The following ABCC1 variants were observed in gnomAD, a reference collection of about 807,000 sequenced individuals.
The protein encoded by ABCC1 is ATP binding cassette subfamily C member 1 (ABCC1 blood group).
In ABCC1, 83 loss-of-function variants were observed where a neutral mutation model predicts 172.9. The observed-to-expected ratio is 0.48, with a 90% CI of 0.40 to 0.58. The LOEUF (loss-of-function observed/expected upper bound fraction) is 0.58, where lower values mean the gene tolerates loss of function less well. Ranked by LOEUF, ABCC1 falls within the 20% of genes least tolerant of loss-of-function variation. The pLI is 0.00. For synonymous variants in ABCC1, 937 were observed against 825.2 expected, an observed-to-expected ratio of 1.14 and a Z score of -2.32; for missense variants, 1,817 against 2,002.7, an observed-to-expected ratio of 0.91 and a Z score of 1.77.
At chr16:16,092,106 C>T (rs1357099294) in intron 19 of ABCC1, among the ~76,000 whole-genome samples, 3 of 152,114 alleles carry the variant, frequency 2.0e-5, no homozygotes, top group Non-Finnish European at 2.9e-5. Flanking sequence ...GGCGTGGTGG[C>T]GCACGCCTAT....
intron 1 of ABCC1, among the ~76,000 whole-genome samples, chr16:16,004,647 G>C (rs1006665155): frequency 2.8e-5 from 4 of 142,874 alleles, no homozygotes; most frequent in Non-Finnish European, 6.0e-5. Flanking sequence ...TGTTGGCCTT[G>C]TAAGGTTTAC....
intron 1 of ABCC1, among the ~76,000 whole-genome samples, chr16:15,991,496 G>A (rs1021842857): frequency 1.3e-5 from 2 of 152,076 alleles, no homozygotes; most frequent in African/African-American, 2.4e-5. Context: ...GGCACCTCTC[G>A]GCTCTTCTGG....
intron 20 of ABCC1, 105 bp downstream of exon 20, chr16:16,102,822 C>T: frequency 9.0e-7 from 1 of 1,107,508 alleles, no homozygotes; most frequent in South Asian, 1.5e-5. Flanking sequence ...CCTGGAAGGC[C>T]TGGGCTTTTA....
intron 7 of ABCC1, among the ~76,000 whole-genome samples, chr16:16,039,043 A>G (rs918852911): frequency 6.6e-6 from 1 of 152,154 alleles, no homozygotes; most frequent in Non-Finnish European, 1.5e-5. Flanking sequence ...CTGAGGGTTC[A>G]GAGAGTGGAA....
chr16:15,980,055 A>G (rs1180004468), intron 1 of ABCC1, among the ~76,000 whole-genome samples: 1 of 152,138 alleles, frequency 6.6e-6, no homozygotes, highest in Non-Finnish European at 1.5e-5. Context: ...AAAAAATAAC[A>G]TATAAAATAA....
chr16:16,004,014 G>A (rs2047425104), intron 1 of ABCC1, among the ~76,000 whole-genome samples: 1 of 91,726 alleles, frequency 1.1e-5, no homozygotes. Flanking sequence ...GTGGGTGGAT[G>A]GATGAATTGG....
rs1479230593 is a variant in ABCC1 at position 16,033,280 on chromosome 16, C to T, written c.677+110C>T. The T allele has an allele frequency of 7.3e-6, 8 of 1,102,274 alleles. No homozygotes were observed. The African/African-American group carries it at 1.2e-4, about 17-fold the overall frequency. 68.3% of individuals were successfully genotyped at this position (1,102,274 alleles called of 1,614,324 possible). ...CTCCCCAACTTCTCCCTCCTTTGCT[C>T]TTCTGCAGAGTTGTCTTGAATCTGC... On this transcript the variant is annotated intron_variant, in intron 6 of 30. Coordinates refer to ENST00000399410, the MANE Select transcript of ABCC1 (RefSeq NM_004996.4).
At chr16:16,136,741 A>G in intron 29 of ABCC1, 97 bp downstream of exon 29, 1 of 1,379,612 alleles carries the variant, frequency 7.2e-7, no homozygotes, top group Non-Finnish European at 9.7e-7. Flanking sequence ...TGTCACCTGG[A>G]TTTGAGTCCC....
intron 20 of ABCC1, among the ~76,000 whole-genome samples, chr16:16,104,458 C>G (rs1241137873): frequency 6.6e-6 from 1 of 152,200 alleles, no homozygotes. Context: ...GGTGCATTCA[C>G]AAACCCTGAG....
rs941823812 is a variant in ABCC1, at chr16:16,055,252, G to GAC, written c.1474-838_1474-837dup. Reference sequence around the variant, plus strand: ...TTCCAAAAAAAAAGAAAACTGGGCTGACAAGAAATAAGAAAACAGGCTGGG... The same window carrying GAC: ...TTCCAAAAAAAAAGAAAACTGGGCTGACACAAGAAATAAGAAAACAGGCTGGG... On this transcript the variant is annotated intron_variant, in intron 11 of 30. Transcript: ENST00000399410. 5.9e-5 allele frequency among the ~76,000 whole-genome samples: 9 copies of GAC among 151,708 alleles called. No individual in the cohort carries two copies. The East Asian group carries it at 7.8e-4, about 13-fold the overall frequency.
chr16:16,011,323 G>A (rs2047777810), intron 3 of ABCC1, among the ~76,000 whole-genome samples: 1 of 152,132 alleles, frequency 6.6e-6, no homozygotes, highest in Admixed American at 6.5e-5. Context: ...GGGGTGGAAG[G>A]TTAAGGGGAG....
intron 24 of ABCC1, among the ~76,000 whole-genome samples, chr16:16,122,474 G>A (rs775866866): frequency 3.9e-5 from 6 of 152,160 alleles, no homozygotes; most frequent in Admixed American, 3.3e-4. Flanking sequence ...GCCAGCGACC[G>A]ACTCTGCTAT....
Position 16,125,791 on chromosome 16 carries a change from G to C in ABCC1, c.3718-19G>C, listed in dbSNP as rs372960743. The C allele has an allele frequency of 1.9e-6, 3 of 1,583,858 alleles. No individual in the cohort carries two copies. The highest frequency in any genetic ancestry group is 2.6e-6 in the Non-Finnish European group (3 of 1,157,300). On this transcript the variant is annotated intron_variant, in intron 25 of 30. Coordinates refer to ENST00000399410, the MANE Select transcript of ABCC1 (RefSeq NM_004996.4). Reference sequence around the variant, plus strand: ...CGCCCGCTTACTCTAGAAATGCCACGTGACTCTTCCACTCACAGGTCACCA... The same window carrying C: ...CGCCCGCTTACTCTAGAAATGCCACCTGACTCTTCCACTCACAGGTCACCA...
chr16:16,048,092 G>A lies in ABCC1; in HGVS notation c.1219-50G>A, dbSNP rs8187854. The A allele has an allele frequency of 2.3e-4, 373 of 1,601,432 alleles. No homozygotes were observed. The African/African-American group carries it at 4.4e-3, about 19-fold the overall frequency. ...TCCGTGGGTCTGGAGGGAGAGTCAG[G>A]CCTCTTCAGCTGCCACACTCACCCA... is the stretch of plus-strand genomic sequence containing the variant. On this transcript the variant is annotated intron_variant, in intron 9 of 30. Transcript: ENST00000399410.
Position 16,122,358 on chromosome 16 carries a change from T to C in ABCC1, c.3590+184T>C, listed in dbSNP as rs45448692. Among the ~76,000 whole-genome samples, 328 of 152,254 alleles carry C rather than the reference T, an allele frequency of 2.2e-3. 1 individual carries two copies. Among genetic ancestry groups the C allele is most frequent in the African/African-American group, 7.7e-3 (322 of 41,550 alleles). On this transcript the variant is annotated intron_variant, in intron 24 of 30. Coordinates refer to ENST00000399410, the MANE Select transcript of ABCC1 (RefSeq NM_004996.4). The stretch of plus-strand genomic sequence containing the variant: ...TCATTAAGAGCAGACAGCGGCACTG[T>C]AGACATGCAGTGCCCGCGGCATTTA...
chr16:16,086,243 T>G (rs1358489010), intron 17 of ABCC1, among the ~76,000 whole-genome samples: 2 of 152,324 alleles, frequency 1.3e-5, no homozygotes, highest in East Asian at 3.9e-4. Flanking sequence ...TCACGGGAGA[T>G]TCAGGTTTTC....
At chr16:16,006,094 A>G (rs1439357581) in intron 1 of ABCC1, among the ~76,000 whole-genome samples, 2 of 152,200 alleles carry the variant, frequency 1.3e-5, no homozygotes, top group Non-Finnish European at 2.9e-5. Context: ...AACAACAGCA[A>G]TAACAACAAG....
intron 14 of ABCC1, among the ~76,000 whole-genome samples, chr16:16,074,292 G>A (rs946195858): frequency 1.3e-5 from 2 of 152,262 alleles, no homozygotes; most frequent in African/African-American, 4.8e-5. Flanking sequence ...GTTGAGAACC[G>A]TGGCCCAAGT....
In ABCC1 at chr16:15,983,848, G is replaced by T. The variant is rs149766831; in HGVS notation, c.49-23968G>T. ...TGGGATTACAGGTACAAGCCACCGC[G>T]CCTGGCCTTTAGTGATATTTTAAAG... On this transcript the variant is annotated intron_variant, in intron 1 of 30. Coordinates refer to ENST00000399410, the MANE Select transcript of ABCC1 (RefSeq NM_004996.4). 6.4e-3 allele frequency among the ~76,000 whole-genome samples: 979 copies of T among 152,160 alleles called. 8 individuals carry two copies. The highest frequency in any genetic ancestry group is 0.014 in the Middle Eastern group (4 of 292).
Sources: allele counts gnomAD v4.1 joint callset (sites outside exome capture counted in the v4.1 genomes callset), GRCh38; gene constraint gnomAD v4.1.1; transcripts MANE v1.5; gene names NCBI Gene and HGNC (gene_info 2026-07-23, HGNC 2026-07-21).